QTMAN: variants seen among roughly 807,000 people sequenced by gnomAD.
QTMAN encodes tRNA-queuosine alpha-mannosyltransferase.
chr2:144,087,320 AC>A, the QTMAN span, among the ~76,000 whole-genome samples: 1 of 152,132 alleles, frequency 6.6e-6, no homozygotes, highest in Non-Finnish European at 1.5e-5. Flanking sequence ...GTAGTTAAAA[AC>A]ATTCCCACAA....
chr2:144,202,021 A>G, the QTMAN span, among the ~76,000 whole-genome samples: 1 of 152,222 alleles, frequency 6.6e-6, no homozygotes, highest in African/African-American at 2.4e-5. Context: ...CTCCCCTTGC[A>G]GTCATCTTTG....
At chr2:144,262,952 G>GGGAAGGGAGGAGAGA in the QTMAN span, among the ~76,000 whole-genome samples, 2 of 91,810 alleles carry the variant, frequency 2.2e-5, no homozygotes, top group African/African-American at 8.6e-5. Context: ...GAGGGGATAG[G>GGGAAGGGAGGAGAGA]GGAAGGGAGG....
the QTMAN span, chr2:144,317,384 T>TGGATGGAAGGAAGGAAGGAAGGAA: frequency 2.1e-5 from 2 of 97,372 alleles, no homozygotes; most frequent in Non-Finnish European, 4.2e-5. Context: ...GAAGGAAGGA[T>TGGATGGAAGGAAGGAAGGAAGGAA]GGAAGGAAGG....
the QTMAN span, among the ~76,000 whole-genome samples, chr2:144,281,395 C>CAAAAAAAAAAAAAAAAAAAAAA: frequency 3.3e-5 from 2 of 60,594 alleles, no homozygotes; most frequent in Non-Finnish European, 5.9e-5. Flanking sequence ...ATTGTTATAG[C>CAAAAAAAAAAAAAAAAAAAAAA]AAAAAAAAAA....
the QTMAN span, among the ~76,000 whole-genome samples, chr2:144,263,619 G>C: frequency 1.3e-5 from 2 of 152,144 alleles, no homozygotes; most frequent in Non-Finnish European, 1.5e-5. Flanking sequence ...AGCTACTTGG[G>C]AGGCTGAGGC....
At chr2:144,061,901 G>C in the QTMAN span, among the ~76,000 whole-genome samples, 3 of 152,106 alleles carry the variant, frequency 2.0e-5, no homozygotes, top group Non-Finnish European at 2.9e-5. Context: ...GACAGTTAGA[G>C]AGGAGATTGG....
At chr2:144,233,195 C>T in the QTMAN span, among the ~76,000 whole-genome samples, 4 of 152,008 alleles carry the variant, frequency 2.6e-5, no homozygotes, top group African/African-American at 4.8e-5. Context: ...AGTTTCCATT[C>T]AAATAATAAA....
chr2:144,266,199 A>G, the QTMAN span, among the ~76,000 whole-genome samples: 1 of 152,222 alleles, frequency 6.6e-6, no homozygotes, highest in Non-Finnish European at 1.5e-5. Context: ...AAGGAAACTT[A>G]TGAACAAATT....
At chr2:144,163,483 C>T in the QTMAN span, among the ~76,000 whole-genome samples, 1 of 152,090 alleles carries the variant, frequency 6.6e-6, no homozygotes, top group African/African-American at 2.4e-5. Flanking sequence ...TCTAATTTAT[C>T]CATAACTATA....
At chr2:144,056,080 TAC>T in the QTMAN span, among the ~76,000 whole-genome samples, 1 of 152,208 alleles carries the variant, frequency 6.6e-6, no homozygotes, top group Non-Finnish European at 1.5e-5. Flanking sequence ...TGACTTCTGA[TAC>T]ACAGTGAGCT....
At chr2:143,950,285 G>C in the QTMAN span, among the ~76,000 whole-genome samples, 7 of 151,596 alleles carry the variant, frequency 4.6e-5, no homozygotes, top group South Asian at 1.2e-3. Flanking sequence ...GGAACAATTT[G>C]GTATATTAAC....
chr2:144,225,325 T>C, the QTMAN span, among the ~76,000 whole-genome samples: 1 of 152,192 alleles, frequency 6.6e-6, no homozygotes, highest in Non-Finnish European at 1.5e-5. Flanking sequence ...ATCTTCAACA[T>C]GAGCTATTCA....
the QTMAN span, among the ~76,000 whole-genome samples, chr2:144,031,706 T>C: frequency 1.8e-3 from 275 of 152,314 alleles, no homozygotes; most frequent in African/African-American, 6.4e-3. Context: ...TACTTTGGAA[T>C]TTTTATGCAG....
chr2:144,110,742 T>C, the QTMAN span, among the ~76,000 whole-genome samples: 1 of 148,822 alleles, frequency 6.7e-6, no homozygotes, highest in East Asian at 2.1e-4. Flanking sequence ...TACGAAATTA[T>C]GTAGCACTTT....
chr2:144,262,361 C>T, the QTMAN span, among the ~76,000 whole-genome samples: 1 of 151,852 alleles, frequency 6.6e-6, no homozygotes, highest in Non-Finnish European at 1.5e-5. Context: ...AGTTCCAAAC[C>T]AGCCTGGGCA....
the QTMAN span, among the ~76,000 whole-genome samples, chr2:144,202,631 C>T: frequency 6.6e-6 from 1 of 152,066 alleles, no homozygotes; most frequent in Non-Finnish European, 1.5e-5. Flanking sequence ...TTTTTTTCCC[C>T]GTTTATTTTC....
chr2:144,147,862 G>A, the QTMAN span, among the ~76,000 whole-genome samples: 40 of 151,988 alleles, frequency 2.6e-4, no homozygotes, highest in Non-Finnish European at 5.3e-4. Context: ...CAAATCATCA[G>A]TATAGTATTC....
the QTMAN span, among the ~76,000 whole-genome samples, chr2:144,259,450 C>T: frequency 6.6e-6 from 1 of 152,130 alleles, no homozygotes; most frequent in South Asian, 2.1e-4. Context: ...TGAGCCACCC[C>T]GCCCAGTAGG....
the QTMAN span, chr2:143,947,020 T>G: frequency 6.8e-7 from 1 of 1,472,492 alleles, no homozygotes; most frequent in Non-Finnish European, 9.5e-7. Context: ...GATTCTGCCT[T>G]AGGCTGCAAG....
Sources: allele counts gnomAD v4.1 joint callset (sites outside exome capture counted in the v4.1 genomes callset), GRCh38; gene constraint gnomAD v4.1.1; transcripts MANE v1.5; gene names NCBI Gene and HGNC (gene_info 2026-07-23, HGNC 2026-07-21).